The following GRIN2A variants were observed in gnomAD, a reference collection of about 807,000 sequenced individuals.
GRIN2A encodes glutamate ionotropic receptor NMDA type subunit 2A, also known as glutamate receptor ionotropic, NMDA 2A.
GRIN2A carries 22 observed loss-of-function variants against 113.4 expected under a neutral mutation model. The observed-to-expected ratio is 0.19, with a 90% confidence interval of 0.14 to 0.28. GRIN2A has a LOEUF of 0.28. Ranked by LOEUF, GRIN2A falls within the 10% of genes least tolerant of loss-of-function variation. The pLI is 1.00. For synonymous variants in GRIN2A, 827 were observed against 738.4 expected (o/e 1.12, Z -1.94); for missense variants, 1,502 against 1,887.0 (o/e 0.80, Z 3.78).
intron 5 of GRIN2A, among the ~76,000 whole-genome samples, chr16:9,842,605 G>C (rs1298393921): frequency 6.6e-6 from 1 of 152,128 alleles, no homozygotes; most frequent in Non-Finnish European, 1.5e-5. Context: ...TATAAAAACA[G>C]ATGAGCTTAT....
intron 2 of GRIN2A, among the ~76,000 whole-genome samples, chr16:9,941,669 G>T (rs796825934): frequency 3.9e-5 from 6 of 152,070 alleles, no homozygotes; most frequent in East Asian, 1.9e-4. Flanking sequence ...GGCCTTGGAT[G>T]GGGGGGAAAA....
At chr16:10,034,606 G>A (rs895566284) in intron 2 of GRIN2A, among the ~76,000 whole-genome samples, 1 of 141,210 alleles carries the variant, frequency 7.1e-6, no homozygotes, top group Non-Finnish European at 1.5e-5. Context: ...GAAGGATGTT[G>A]ACTTGCTGGC....
At chr16:9,861,704 A>C (rs1212414771) in intron 4 of GRIN2A, among the ~76,000 whole-genome samples, 1 of 152,240 alleles carries the variant, frequency 6.6e-6, no homozygotes, top group African/African-American at 2.4e-5. Context: ...TGCTGAAATC[A>C]AGCGTCACTT....
Position 10,112,160 on chromosome 16 carries a change from C to T in GRIN2A, c.414+67838G>A, listed in dbSNP as rs2048629013. ...ATGAGGATGACAAATACTGCCTGGA[C>T]CTGCTCACCTGGGTAGGCATCAACG... On this transcript the variant is annotated intron_variant, in intron 2 of 12. Coordinates refer to ENST00000330684, the MANE Select transcript of GRIN2A (RefSeq NM_001134407.3). 6.8e-6 allele frequency: 4 copies of T among 585,950 alleles called. No individual in the cohort carries two copies. The East Asian group carries it at 1.1e-4, about 15-fold the overall frequency. 36.3% of individuals were successfully genotyped at this position (585,950 alleles called of 1,614,324 possible).
intron 2 of GRIN2A, among the ~76,000 whole-genome samples, chr16:9,966,772 G>T (rs892038953): frequency 6.6e-6 from 1 of 152,068 alleles, no homozygotes; most frequent in Non-Finnish European, 1.5e-5. Context: ...CACCCAAAAG[G>T]CTTGTTAAAA....
In GRIN2A at chr16:9,761,629, C is replaced by G. The variant is rs1900585599; in HGVS notation, c.*1520G>C. 4.4e-6 allele frequency: 1 copy of G among 229,292 alleles called. No individual in the cohort carries two copies. Among genetic ancestry groups the G allele is most frequent in the African/African-American group, 2.2e-5 (1 of 45,256 alleles). 14.2% of individuals were successfully genotyped at this position (229,292 alleles called of 1,614,324 possible). A position where few individuals can be genotyped will look rare whatever the true frequency, so the allele number is the denominator to read the frequency against. ...CTGAGAAAGTGTCATAACATAGCAA[C>G]TATCTTGTCGGGGGCACTTGTTTTT... On this transcript the variant is annotated 3_prime_UTR_variant, in exon 13 of 13. Coordinates refer to ENST00000330684, the MANE Select transcript of GRIN2A (RefSeq NM_001134407.3).
rs970744724 is a variant in GRIN2A at position 9,936,218 on chromosome 16, C to T, written c.1007+1741G>A. 7.2e-5 allele frequency among the ~76,000 whole-genome samples: 11 copies of T among 152,182 alleles called. No homozygotes were observed. The South Asian group carries it at 2.3e-3, about 31-fold the overall frequency. The stretch of plus-strand genomic sequence containing the variant: ...AAAGAAATTGCAAATTCTCTGGGCT[C>T]ACCCCATATTTTCTATTACATTAGA... On this transcript the variant is annotated intron_variant, in intron 3 of 12. Coordinates refer to ENST00000330684, the MANE Select transcript of GRIN2A (RefSeq NM_001134407.3).
rs924074119 is a variant in GRIN2A, at chr16:9,837,903, G to A, written c.1651+2744C>T. Among the ~76,000 whole-genome samples, 16 of 152,272 alleles carry A rather than the reference G, an allele frequency of 1.1e-4. No homozygotes were observed. The South Asian group carries it at 2.3e-3, about 22-fold the overall frequency. ...CAAAGGTTACAAAAATTGAAGCAAC[G>A]AGTGCAAAATCAAATCCAGAGAGTG... On this transcript the variant is annotated intron_variant, in intron 7 of 12. Transcript: ENST00000330684.
At chr16:10,021,606 G>T (rs910581189) in intron 2 of GRIN2A, among the ~76,000 whole-genome samples, 5 of 152,206 alleles carry the variant, frequency 3.3e-5, no homozygotes, top group Non-Finnish European at 7.3e-5. Context: ...AGGAGCGGAA[G>T]CAAGCCCTTT....
intron 2 of GRIN2A, among the ~76,000 whole-genome samples, chr16:10,127,448 T>C (rs764607154): frequency 4.6e-5 from 7 of 152,142 alleles, no homozygotes; most frequent in Non-Finnish European, 1.0e-4. Flanking sequence ...GTTGGCCAAC[T>C]TCTAATCATT....
chr16:9,813,005 C>A (rs1290888898), intron 10 of GRIN2A, among the ~76,000 whole-genome samples: 1 of 152,216 alleles, frequency 6.6e-6, no homozygotes, highest in Non-Finnish European at 1.5e-5. Context: ...GTGCCTCAAA[C>A]AGAACAAAGC....
At chr16:9,798,915 TATC>T (rs1257456010) in intron 10 of GRIN2A, among the ~76,000 whole-genome samples, 2 of 152,254 alleles carry the variant, frequency 1.3e-5, no homozygotes, top group Admixed American at 1.3e-4. Flanking sequence ...GCTGCTTATT[TATC>T]ATACAGAAAT....
chr16:9,926,780 G>A (rs1207429244), intron 3 of GRIN2A, among the ~76,000 whole-genome samples: 2 of 152,182 alleles, frequency 1.3e-5, no homozygotes, highest in African/African-American at 4.8e-5. Context: ...CCAGCTTCCA[G>A]TTGATCATTA....
At chr16:9,919,018 C>T (rs1209176717) in intron 3 of GRIN2A, among the ~76,000 whole-genome samples, 1 of 151,942 alleles carries the variant, frequency 6.6e-6, no homozygotes, top group Non-Finnish European at 1.5e-5. Context: ...ACTAAAAATA[C>T]AAAAGTTAGC....
chr16:10,129,410 T>C (rs1260530821), intron 2 of GRIN2A, among the ~76,000 whole-genome samples: 1 of 152,152 alleles, frequency 6.6e-6, no homozygotes, highest in Non-Finnish European at 1.5e-5. Flanking sequence ...AATACTTAGA[T>C]AGAGCTAAGC....
At chr16:10,105,014 G>A (rs752505347) in intron 2 of GRIN2A, among the ~76,000 whole-genome samples, 4 of 152,184 alleles carry the variant, frequency 2.6e-5, no homozygotes, top group Non-Finnish European at 4.4e-5. Flanking sequence ...CTTTTAATTC[G>A]TTACACAAAA....
intron 3 of GRIN2A, among the ~76,000 whole-genome samples, chr16:9,900,112 G>C (rs1323533502): frequency 6.6e-6 from 1 of 152,158 alleles, no homozygotes; most frequent in Non-Finnish European, 1.5e-5. Context: ...CTATGGTAGG[G>C]GTAGCAGTAG....
At chr16:9,976,226 T>C (rs2045771112) in intron 2 of GRIN2A, among the ~76,000 whole-genome samples, 1 of 152,210 alleles carries the variant, frequency 6.6e-6, no homozygotes. Context: ...TATCATTAAA[T>C]CCTGGCCAGA....
intron 2 of GRIN2A, among the ~76,000 whole-genome samples, chr16:10,152,022 C>T (rs139617384): frequency 3.3e-5 from 5 of 152,302 alleles, no homozygotes; most frequent in East Asian, 3.9e-4. Context: ...TCTTGTCCTT[C>T]GTCCTGAGAA....
Sources: allele counts gnomAD v4.1 joint callset (sites outside exome capture counted in the v4.1 genomes callset), GRCh38; gene constraint gnomAD v4.1.1; transcripts MANE v1.5; gene names NCBI Gene and HGNC (gene_info 2026-07-23, HGNC 2026-07-21).